The following SGCZ variants were observed in gnomAD, a reference collection of about 807,000 sequenced individuals.
The protein encoded by SGCZ is sarcoglycan zeta, also known as zeta-sarcoglycan.
In SGCZ, 40 loss-of-function variants were observed where a neutral mutation model predicts 41.3. The observed-to-expected ratio is 0.97, with a 90% confidence interval of 0.75 to 1.26. The LOEUF is 1.26. Among genes scored for constraint, SGCZ ranks in the 50% most tolerant of loss-of-function variants. The pLI is 0.00. For synonymous variants in SGCZ, 206 were observed against 137.5 expected, an observed-to-expected ratio of 1.50 and a Z score of -3.49; for missense variants, 552 against 369.8, an observed-to-expected ratio of 1.49 and a Z score of -4.04.
chr8:14,860,239 G>T lies in SGCZ; in HGVS notation c.40-305313C>A, dbSNP rs762530273. On this transcript the variant is annotated intron_variant, in intron 1 of 7. Coordinates refer to ENST00000382080, the MANE Select transcript of SGCZ (RefSeq NM_139167.4). Reference sequence around the variant, plus strand: ...TATTGACATTTTATGACCTTCGTTCGAAAATGCTTACCAGATACTGCCTGG... The same window carrying T: ...TATTGACATTTTATGACCTTCGTTCTAAAATGCTTACCAGATACTGCCTGG... Among the ~76,000 whole-genome samples the T allele has an allele frequency of 6.3e-4, 95 of 150,364 alleles. 2 individuals carry two copies. The highest frequency in any genetic ancestry group is 3.0e-4 in the Non-Finnish European group (20 of 67,778).
intron 1 of SGCZ, among the ~76,000 whole-genome samples, chr8:14,636,454 G>A (rs374591641): frequency 2.0e-5 from 3 of 151,974 alleles, no homozygotes; most frequent in Admixed American, 1.3e-4. Context: ...TAAATGTGAC[G>A]ATGAAGAGAA....
At chr8:14,887,912 AG>A (rs1291539973) in intron 1 of SGCZ, among the ~76,000 whole-genome samples, 1 of 152,144 alleles carries the variant, frequency 6.6e-6, no homozygotes, top group Non-Finnish European at 1.5e-5. Context: ...TGTGTTTACC[AG>A]AAACTGGGAT....
chr8:14,681,762 A>T (rs1265348941), intron 1 of SGCZ, among the ~76,000 whole-genome samples: 1 of 152,138 alleles, frequency 6.6e-6, no homozygotes, highest in Non-Finnish European at 1.5e-5. Flanking sequence ...GTGAATGAAT[A>T]TCTTAGAGAG....
At chr8:15,165,185 G>A (rs1367994721) in intron 1 of SGCZ, among the ~76,000 whole-genome samples, 1 of 152,062 alleles carries the variant, frequency 6.6e-6, no homozygotes, top group Non-Finnish European at 1.5e-5. Context: ...AGCTACTCAG[G>A]AGGCTGAGGC....
At chr8:14,192,129 C>T (rs995732479) in intron 4 of SGCZ, among the ~76,000 whole-genome samples, 7 of 151,920 alleles carry the variant, frequency 4.6e-5, no homozygotes, top group African/African-American at 1.4e-4. Context: ...TAAAAAAATA[C>T]TGGTCAAGTG....
intron 1 of SGCZ, among the ~76,000 whole-genome samples, chr8:14,670,109 T>C (rs1025092829): frequency 2.0e-5 from 3 of 152,212 alleles, no homozygotes; most frequent in African/African-American, 7.2e-5. Context: ...TAAAAATTGT[T>C]TTTGACAGTT....
At chr8:14,622,256 G>C (rs927106723) in intron 1 of SGCZ, among the ~76,000 whole-genome samples, 1 of 152,140 alleles carries the variant, frequency 6.6e-6, no homozygotes, top group African/African-American at 2.4e-5. Context: ...AGGAGGTAGT[G>C]AGTAACTGTT....
intron 1 of SGCZ, among the ~76,000 whole-genome samples, chr8:15,233,095 A>G (rs192484164): frequency 2.6e-5 from 4 of 151,930 alleles, no homozygotes; most frequent in African/African-American, 7.2e-5. Flanking sequence ...TGATTCCTTT[A>G]GATGTGAAAC....
At chr8:14,390,843 G>C (rs1804746048) in intron 2 of SGCZ, among the ~76,000 whole-genome samples, 1 of 151,940 alleles carries the variant, frequency 6.6e-6, no homozygotes, top group Non-Finnish European at 1.5e-5. Flanking sequence ...TAGAGATATT[G>C]ATTAACTTTA....
chr8:14,597,143 T>TA (rs1349950654), intron 1 of SGCZ, among the ~76,000 whole-genome samples: 1 of 152,208 alleles, frequency 6.6e-6, no homozygotes, highest in Non-Finnish European at 1.5e-5. Flanking sequence ...TAGAATACGT[T>TA]AAAATATTTT....
At chr8:14,369,047 G>GTA (rs1012983776) in intron 2 of SGCZ, among the ~76,000 whole-genome samples, 1 of 150,874 alleles carries the variant, frequency 6.6e-6, no homozygotes, top group African/African-American at 2.5e-5. Context: ...GTGTGTGTGT[G>GTA]TGTGTGTATT....
At chr8:14,715,534 C>CCACACACACACACA (rs3069627) in intron 1 of SGCZ, among the ~76,000 whole-genome samples, 41 of 133,374 alleles carry the variant, frequency 3.1e-4, no homozygotes, top group South Asian at 1.2e-3. Context: ...ATATCCTCCA[C>CCACACACACACACA]CACACACACA....
At chr8:14,713,609 T>C (rs1486006254) in intron 1 of SGCZ, among the ~76,000 whole-genome samples, 1 of 151,162 alleles carries the variant, frequency 6.6e-6, no homozygotes, top group Non-Finnish European at 1.5e-5. Context: ...ATTAATGATA[T>C]ACTTTGGAAA....
At chr8:14,699,859 A>G (rs767977368) in intron 1 of SGCZ, among the ~76,000 whole-genome samples, 2 of 152,064 alleles carry the variant, frequency 1.3e-5, no homozygotes, top group Non-Finnish European at 2.9e-5. Flanking sequence ...AAATATGCTC[A>G]ACACCACTAA....
intron 5 of SGCZ, among the ~76,000 whole-genome samples, chr8:14,148,598 C>T (rs1039246913): frequency 6.6e-6 from 1 of 152,100 alleles, no homozygotes; most frequent in East Asian, 1.9e-4. Flanking sequence ...CTGAATCCAA[C>T]CAAATAAACA....
intron 1 of SGCZ, among the ~76,000 whole-genome samples, chr8:14,563,244 C>G (rs559647770): frequency 1.3e-5 from 2 of 152,128 alleles, no homozygotes; most frequent in Admixed American, 6.5e-5. Context: ...CAGTCTTCAC[C>G]TTTTCTACTC....
chr8:14,980,465 T>C (rs1414614567), intron 1 of SGCZ, among the ~76,000 whole-genome samples: 1 of 152,192 alleles, frequency 6.6e-6, no homozygotes, highest in Non-Finnish European at 1.5e-5. Context: ...TGTTAGTCTG[T>C]TTTCACGTTG....
chr8:14,920,225 A>G (rs1005622751), intron 1 of SGCZ, among the ~76,000 whole-genome samples: 3 of 152,114 alleles, frequency 2.0e-5, no homozygotes, highest in Non-Finnish European at 4.4e-5. Flanking sequence ...GATGCCAGAC[A>G]CTCTGGAGAA....
chr8:15,101,999 C>T (rs1355639164), intron 1 of SGCZ, among the ~76,000 whole-genome samples: 1 of 152,094 alleles, frequency 6.6e-6, no homozygotes, highest in Non-Finnish European at 1.5e-5. Context: ...TTAGGCCTAC[C>T]ATCTGATCCA....
Sources: allele counts gnomAD v4.1 joint callset (sites outside exome capture counted in the v4.1 genomes callset), GRCh38; gene constraint gnomAD v4.1.1; transcripts MANE v1.5; gene names NCBI Gene and HGNC (gene_info 2026-07-23, HGNC 2026-07-21).